Variants in ZNF704 observed in about 807,000 individuals in gnomAD.
ZNF704 encodes zinc finger protein 704, also known as glucocorticoid induced gene 1.
Under a neutral mutation model 44.7 loss-of-function variants are expected in ZNF704, and 10 were observed. The observed-to-expected ratio is 0.22, with a 90% CI of 0.14 to 0.38. The LOEUF (loss-of-function observed/expected upper bound fraction) is 0.38, where lower values mean the gene tolerates loss of function less well. ZNF704 is among the 10% of genes least tolerant of loss of function. The probability of loss-of-function intolerance (pLI) is 1.00; values close to 1 mark genes in which losing one functional copy is unlikely to be tolerated. For synonymous variants in ZNF704, 211 were observed against 207.6 expected, an observed-to-expected ratio of 1.02 and a Z score of -0.14; for missense variants, 390 against 545.5, an observed-to-expected ratio of 0.71 and a Z score of 2.84.
At chr8:80,672,978 G>A (rs1177282551) in intron 4 of ZNF704, among the ~76,000 whole-genome samples, 1 of 152,018 alleles carries the variant, frequency 6.6e-6, no homozygotes, top group Non-Finnish European at 1.5e-5. Flanking sequence ...AATTAACGTA[G>A]TAAATAACAA....
intron 1 of ZNF704, among the ~76,000 whole-genome samples, chr8:80,858,684 CA>C (rs56880626): frequency 2.1e-5 from 3 of 143,704 alleles, no homozygotes; most frequent in Admixed American, 7.0e-5. Context: ...GATTCTGTCT[CA>C]AAAAAAAAAC....
At chr8:80,810,311 CTATT>C (rs1413238751) in intron 2 of ZNF704, among the ~76,000 whole-genome samples, 2 of 152,124 alleles carry the variant, frequency 1.3e-5, no homozygotes, top group Non-Finnish European at 2.9e-5. Flanking sequence ...ACCCAGAACT[CTATT>C]TATAGGAGAG....
rs114567118 is a variant in ZNF704, at chr8:80,818,870, T to C, written c.221+2504A>G. Among the ~76,000 whole-genome samples, 438 of 152,302 alleles carry C rather than the reference T, an allele frequency of 2.9e-3. 2 individuals are homozygous for C. Among genetic ancestry groups the C allele is most frequent in the African/African-American group, 0.01 (418 of 41,586 alleles). ...GTTTCTTTAAAACAAAATATTGATATACTTAGGTGACAGTGGGAAGTCCGA... is the reference window on the plus strand; with the variant it reads ...GTTTCTTTAAAACAAAATATTGATACACTTAGGTGACAGTGGGAAGTCCGA... On this transcript the variant is annotated intron_variant, in intron 2 of 8. Coordinates refer to ENST00000327835, the MANE Select transcript of ZNF704 (RefSeq NM_001033723.3).
intron 2 of ZNF704, among the ~76,000 whole-genome samples, chr8:80,817,831 T>C (rs1808201694): frequency 6.6e-6 from 1 of 152,210 alleles, no homozygotes; most frequent in African/African-American, 2.4e-5. Flanking sequence ...TAAAAGATTT[T>C]CCTTTAATTA....
intron 7 of ZNF704, among the ~76,000 whole-genome samples, chr8:80,659,312 A>G (rs1341657492): frequency 6.6e-6 from 1 of 152,208 alleles, no homozygotes; most frequent in African/African-American, 2.4e-5. Flanking sequence ...AAACATACAA[A>G]CACACTACCA....
chr8:80,649,748 C>A (rs1465891974), intron 7 of ZNF704, among the ~76,000 whole-genome samples: 1 of 152,190 alleles, frequency 6.6e-6, no homozygotes, highest in African/African-American at 2.4e-5. Flanking sequence ...CAGGGCATAG[C>A]CAAACAAAAG....
chr8:80,727,573 T>A (rs1806506100), intron 2 of ZNF704, among the ~76,000 whole-genome samples: 1 of 152,084 alleles, frequency 6.6e-6, no homozygotes, highest in Non-Finnish European at 1.5e-5. Flanking sequence ...TGGCTCTTGT[T>A]TGGCGCAGGC....
intron 2 of ZNF704, among the ~76,000 whole-genome samples, chr8:80,694,727 G>GT (rs1399546556): frequency 1.3e-5 from 2 of 152,316 alleles, no homozygotes; most frequent in Admixed American, 1.3e-4. Flanking sequence ...AATTGTTACA[G>GT]TTTGGCTCTC....
At chr8:80,784,132 T>A (rs1807577722) in intron 2 of ZNF704, among the ~76,000 whole-genome samples, 1 of 152,212 alleles carries the variant, frequency 6.6e-6, no homozygotes, top group Non-Finnish European at 1.5e-5. Flanking sequence ...TGAATGGTAT[T>A]CCATTTCTGG....
intron 5 of ZNF704, among the ~76,000 whole-genome samples, chr8:80,666,253 T>C (rs935696900): frequency 6.7e-6 from 1 of 150,336 alleles, no homozygotes; most frequent in African/African-American, 2.4e-5. Context: ...CTGAGAATGA[T>C]GATTTCCAAT....
At chr8:80,661,010 C>T (rs977253027) in intron 6 of ZNF704, among the ~76,000 whole-genome samples, 1 of 152,194 alleles carries the variant, frequency 6.6e-6, no homozygotes, top group African/African-American at 2.4e-5. Context: ...GAAGAGCAAC[C>T]TGTTGAATGT....
chr8:80,790,318 G>C (rs1807682589), intron 2 of ZNF704, among the ~76,000 whole-genome samples: 1 of 152,128 alleles, frequency 6.6e-6, no homozygotes, highest in Admixed American at 6.5e-5. Context: ...GCCCTGAACT[G>C]GACCTTGGTT....
chr8:80,644,880 A>C, intron 7 of ZNF704: 1 of 771,864 alleles, frequency 1.3e-6, no homozygotes. Context: ...GAAAGATGTT[A>C]GGAAGTAAGG....
intron 1 of ZNF704, among the ~76,000 whole-genome samples, chr8:80,853,359 T>C (rs1808902991): frequency 6.6e-6 from 1 of 152,200 alleles, no homozygotes; most frequent in African/African-American, 2.4e-5. Flanking sequence ...CAGAGCAAGA[T>C]ACCATCTTTA....
chr8:80,739,328 C>T (rs1475176565), intron 2 of ZNF704, among the ~76,000 whole-genome samples: 1 of 152,138 alleles, frequency 6.6e-6, no homozygotes, highest in African/African-American at 2.4e-5. Context: ...AACTCTGTCT[C>T]CCTGGGATAT....
chr8:80,660,109 C>G (rs949006534), intron 6 of ZNF704, among the ~76,000 whole-genome samples: 26 of 152,136 alleles, frequency 1.7e-4, no homozygotes, highest in Admixed American at 5.2e-4. Context: ...TCTGTGTTAG[C>G]TATTCCACTC....
intron 1 of ZNF704, among the ~76,000 whole-genome samples, chr8:80,860,885 G>A (rs1044910159): frequency 1.3e-5 from 2 of 152,174 alleles, no homozygotes; most frequent in Admixed American, 1.3e-4. Context: ...CACTTTTACT[G>A]CTGGATTTGT....
chr8:80,683,870 G>C (rs79167599), intron 4 of ZNF704, among the ~76,000 whole-genome samples: 1,548 of 152,282 alleles, frequency 0.01, 12 homozygotes, highest in Non-Finnish European at 0.017. Flanking sequence ...CAAGAGGTGG[G>C]AGTGAGCCAT....
rs548368332 is a variant in ZNF704 at position 80,654,891 on chromosome 8, C to T, written c.1032+4694G>A. 2.6e-5 allele frequency among the ~76,000 whole-genome samples: 4 copies of T among 152,284 alleles called. No individual in the cohort carries two copies. In the East Asian group the frequency reaches 5.8e-4, roughly 22 times the overall value. ...ATGCTGCTATAAAGACACATGCACA[C>T]GTATGTTTATTTGGACACTATTCAC... is the stretch of plus-strand genomic sequence containing the variant. On this transcript the variant is annotated intron_variant, in intron 7 of 8. Transcript: ENST00000327835.
Sources: gnomAD v4.1 joint callset for allele counts (sites outside exome capture counted in the v4.1 genomes callset) on GRCh38, gnomAD v4.1.1 for gene constraint, MANE v1.5 for transcripts, NCBI Gene and HGNC (gene_info 2026-07-23, HGNC 2026-07-21) for gene names.